ABCA1: variants seen among roughly 807,000 people sequenced by gnomAD.
The protein encoded by ABCA1 is ATP binding cassette subfamily A member 1.
In ABCA1, 133 loss-of-function variants were observed where a neutral mutation model predicts 262.5. The ratio of observed to expected loss-of-function variants is 0.51; its 90% CI spans 0.44 to 0.59. The LOEUF (loss-of-function observed/expected upper bound fraction) is 0.59, where lower values mean the gene tolerates loss of function less well. Ranked by LOEUF, ABCA1 falls within the 20% of genes least tolerant of loss-of-function variation. The pLI is 0.00. For synonymous variants in ABCA1, 1,022 were observed against 1,043.5 expected (o/e 0.98, Z 0.40); for missense variants, 2,452 against 2,777.5 (o/e 0.88, Z 2.63).
At position 104,814,199 on chromosome 9, in the gene ABCA1, C is replaced by A. The variant is rs1452221771; in HGVS notation, c.3820G>T (p.Ala1274Ser). Reference sequence around the variant, plus strand: ...AGACAGCTCTGCTTGTCCCCGAAGGCCCGCCTGTTTCGTCTTGCTGGCAAG... The same window carrying A: ...AGACAGCTCTGCTTGTCCCCGAAGGACCGCCTGTTTCGTCTTGCTGGCAAG... ...GTLPARRNRRAFGDKQSCLRP... is the reference protein window; with the variant it reads ...GTLPARRNRRSFGDKQSCLRP... The change falls in exon 27 of 50, where the codon GCC becomes TCC. Residue 1274 changes from alanine (A) to serine (S), a missense_variant. Ala to Ser is a moderately conservative substitution (Grantham distance 99). Transcript: ENST00000374736. 6.2e-7 allele frequency: 1 copy of A among 1,614,244 alleles called. No homozygotes were observed. The highest frequency in any genetic ancestry group is 2.2e-5 in the East Asian group (1 of 44,888).
intron 46 of ABCA1, 170 bp downstream of exon 46, chr9:104,787,750 C>T: frequency 1.2e-5 from 10 of 854,864 alleles, no homozygotes; most frequent in Non-Finnish European, 1.3e-5. Flanking sequence ...GGTACAGCCA[C>T]CCCAGTGTGT....
chr9:104,855,164 G>T, intron 7 of ABCA1: 1 of 985,080 alleles, frequency 1.0e-6, no homozygotes, highest in South Asian at 4.7e-5. Context: ...CTTGGTATGA[G>T]TTCTAACACT....
In ABCA1 at chr9:104,889,348, T is replaced by C. The variant is rs781140974; in HGVS notation, c.67-153A>G. ...ACTCTCTAAGCTTTAACAGAACTGTTTGGAGTCCCAACCTTTTAACATACC... is the reference window on the plus strand; with the variant it reads ...ACTCTCTAAGCTTTAACAGAACTGTCTGGAGTCCCAACCTTTTAACATACC... On this transcript the variant is annotated intron_variant, in intron 2 of 49. Coordinates refer to ENST00000374736, the MANE Select transcript of ABCA1 (RefSeq NM_005502.4). 6.2e-4 allele frequency: 607 copies of C among 984,956 alleles called. 1 individual carries two copies. Among genetic ancestry groups the C allele is most frequent in the Non-Finnish European group, 6.9e-4 (572 of 829,570 alleles). The allele number at this position is 984,956 out of a possible 1,614,324, so 61.0% of individuals were successfully genotyped here.
chr9:104,857,432 A>G lies in ABCA1; in HGVS notation c.720+1090T>C, dbSNP rs1016233015. ...ATTTTTGTAGAGACAGGGTTTCACCATGTTGGCCAGGCTGGTCTCAAACTG... is the reference window on the plus strand; with the variant it reads ...ATTTTTGTAGAGACAGGGTTTCACCGTGTTGGCCAGGCTGGTCTCAAACTG... On this transcript the variant is annotated intron_variant, in intron 7 of 49. Coordinates refer to ENST00000374736, the MANE Select transcript of ABCA1 (RefSeq NM_005502.4). Among the ~76,000 whole-genome samples the G allele has an allele frequency of 5.3e-5, 8 of 152,108 alleles. No individual in the cohort carries two copies. The East Asian group carries it at 5.9e-4, about 11-fold the overall frequency.
chr9:104,923,346 A>G (rs768095590), intron 1 of ABCA1, among the ~76,000 whole-genome samples: 9 of 152,278 alleles, frequency 5.9e-5, no homozygotes, highest in Non-Finnish European at 1.2e-4. Context: ...ATTCGCAAAC[A>G]TCTGACTGAA....
At position 104,785,498 on chromosome 9, in the gene ABCA1, T is replaced by G; in HGVS notation, c.6543A>C (p.Pro2181=). 2 of 1,612,258 alleles carry G rather than the reference T, an allele frequency of 1.2e-6. No individual in the cohort carries two copies. The highest frequency in any genetic ancestry group is 1.7e-6 in the Non-Finnish European group (2 of 1,178,990). The stretch of plus-strand genomic sequence containing the variant: ...TCCTGGCCAGAGAAGATAATGAAGA[T>G]GGAAGCTGGTATTGTAGCATGTTCC... ...KHRNMLQYQL[P]SSLSSLARIF... The change falls in exon 49 of 50, where the codon CCA becomes CCC. Residue 2181 remains proline, a synonymous_variant. Transcript: ENST00000374736.
intron 3 of ABCA1, among the ~76,000 whole-genome samples, chr9:104,888,232 C>T (rs72735003): frequency 0.015 from 2,327 of 152,286 alleles, 27 homozygotes; most frequent in Non-Finnish European, 0.022. Context: ...AGAACAGTAT[C>T]TCATAAGCTT....
At chr9:104,821,294 C>T in intron 20 of ABCA1, 81 bp downstream of exon 20, 1 of 1,565,724 alleles carries the variant, frequency 6.4e-7, no homozygotes, top group Non-Finnish European at 8.7e-7. Context: ...AAGTAAAATG[C>T]TTAAGTCCCA....
intron 5 of ABCA1, among the ~76,000 whole-genome samples, chr9:104,863,635 T>C (rs764805693): frequency 6.6e-6 from 1 of 152,232 alleles, no homozygotes; most frequent in Non-Finnish European, 1.5e-5. Context: ...CAAACTTCAG[T>C]AATATTGAGT....
At chr9:104,809,187 G>T (rs1319687961) in intron 30 of ABCA1, among the ~76,000 whole-genome samples, 1 of 152,276 alleles carries the variant, frequency 6.6e-6, no homozygotes, top group Non-Finnish European at 1.5e-5. Context: ...TCATCAGTAA[G>T]TGTAAAGTGC....
chr9:104,840,205 A>T, intron 9 of ABCA1, 74 bp downstream of exon 9: 1 of 1,611,248 alleles, frequency 6.2e-7, no homozygotes, highest in Non-Finnish European at 8.5e-7. Flanking sequence ...GAGGGAGGAG[A>T]TGACACAGGC....
intron 2 of ABCA1, among the ~76,000 whole-genome samples, chr9:104,895,506 T>C (rs1418664336): frequency 6.6e-6 from 1 of 151,346 alleles, no homozygotes; most frequent in Non-Finnish European, 1.5e-5. Flanking sequence ...GGTGGAAGGG[T>C]GAGGGTGGGG....
At chr9:104,789,322 G>A (rs1829207347) in intron 44 of ABCA1, among the ~76,000 whole-genome samples, 1 of 152,190 alleles carries the variant, frequency 6.6e-6, no homozygotes, top group African/African-American at 2.4e-5. Flanking sequence ...TACTGCCACT[G>A]CTATATGCGT....
At chr9:104,864,340 G>A (rs1395122354) in intron 5 of ABCA1, among the ~76,000 whole-genome samples, 2 of 151,920 alleles carry the variant, frequency 1.3e-5, no homozygotes, top group Admixed American at 6.6e-5. Context: ...CTAACCACTG[G>A]AACTGCCTTC....
intron 6 of ABCA1, among the ~76,000 whole-genome samples, chr9:104,860,067 A>AG (rs1836222006): frequency 2.0e-5 from 3 of 152,016 alleles, no homozygotes; most frequent in African/African-American, 7.2e-5. Context: ...AAAAAAAAAA[A>AG]AAAAAGAATA....
At chr9:104,863,221 G>A (rs1588443020) in intron 5 of ABCA1, among the ~76,000 whole-genome samples, 1 of 152,252 alleles carries the variant, frequency 6.6e-6, no homozygotes, top group East Asian at 1.9e-4. Context: ...AAAATGAGAG[G>A]TTTCTGACCA....
chr9:104,790,822 A>C, intron 44 of ABCA1, 100 bp downstream of exon 44: 1 of 840,216 alleles, frequency 1.2e-6, no homozygotes, highest in Non-Finnish European at 2.0e-6. Context: ...ATTTTTATGA[A>C]CTCTAAAAAT....
In ABCA1 at chr9:104,806,348, T is replaced by C. The variant is rs1830762964; in HGVS notation, c.4357A>G (p.Asn1453Asp). ...QTIMDLFQNG[N>D]WTMQNPSPAC... ...GGTGAAGGGTTCTGCATTGTCCAGTTCCCATTCTGGAAGAGGTCCATGATG... is the reference window on the plus strand; with the variant it reads ...GGTGAAGGGTTCTGCATTGTCCAGTCCCCATTCTGGAAGAGGTCCATGATG... The change falls in exon 31 of 50, where the codon AAC becomes GAC. Residue 1453 changes from asparagine to aspartate, a missense_variant. Transcript: ENST00000374736. 6.2e-7 allele frequency: 1 copy of C among 1,614,188 alleles called. No homozygotes were observed. Among genetic ancestry groups the C allele is most frequent in the Non-Finnish European group, 8.5e-7 (1 of 1,180,050 alleles).
intron 31 of ABCA1, among the ~76,000 whole-genome samples, chr9:104,805,366 C>T (rs913248012): frequency 1.3e-5 from 2 of 152,174 alleles, no homozygotes; most frequent in Admixed American, 6.5e-5. Context: ...TGAGCCACCC[C>T]GCACCTGGAC....
Sources: gnomAD v4.1 joint callset for allele counts (sites outside exome capture counted in the v4.1 genomes callset) on GRCh38, gnomAD v4.1.1 for gene constraint, MANE v1.5 for transcripts, NCBI Gene and HGNC (gene_info 2026-07-23, HGNC 2026-07-21) for gene names.